Variants in SH3RF1 observed in about 807,000 individuals in gnomAD.
SH3RF1 encodes SH3 domain containing ring finger 1.
In SH3RF1, 32 loss-of-function variants were observed where a neutral mutation model predicts 74.0. The ratio of observed to expected loss-of-function variants is 0.43; its 90% CI spans 0.33 to 0.58. The LOEUF (loss-of-function observed/expected upper bound fraction) is 0.58. Ranked by LOEUF, SH3RF1 falls within the 20% of genes least tolerant of loss-of-function variation. The pLI, the probability that SH3RF1 is intolerant of heterozygous loss-of-function variation, is 0.05. For synonymous variants in SH3RF1, 396 were observed against 439.6 expected (o/e 0.90, Z 1.24); for missense variants, 954 against 1,130.9 (o/e 0.84, Z 2.24).
At chr4:169,180,158 C>T (rs528285149) in intron 2 of SH3RF1, among the ~76,000 whole-genome samples, 5 of 152,204 alleles carry the variant, frequency 3.3e-5, no homozygotes, top group African/African-American at 7.2e-5. Flanking sequence ...TGCAGCAAAA[C>T]GCAACCCAGG....
At chr4:169,226,589 C>G (rs896550934) in intron 2 of SH3RF1, among the ~76,000 whole-genome samples, 1 of 152,072 alleles carries the variant, frequency 6.6e-6, no homozygotes. Flanking sequence ...TCCTTACCCC[C>G]CTAGAAAGGG....
At chr4:169,229,435 GAACACCTGGA>G (rs1161441318) in intron 2 of SH3RF1, among the ~76,000 whole-genome samples, 1 of 148,778 alleles carries the variant, frequency 6.7e-6, no homozygotes, top group Non-Finnish European at 1.5e-5. Flanking sequence ...GTGTTCCTTA[GAACACCTGGA>G]AACATAAATT....
intron 11 of SH3RF1, 43 bp from the exon 12 acceptor site, chr4:169,096,730 G>A (rs1732938530): frequency 6.4e-7 from 1 of 1,567,008 alleles, no homozygotes; most frequent in East Asian, 2.2e-5. Context: ...TCAAAGCAGT[G>A]ATTTTAAAAA....
chr4:169,241,750 T>C (rs17054849), intron 2 of SH3RF1, among the ~76,000 whole-genome samples: 1,552 of 152,346 alleles, frequency 0.01, 27 homozygotes, highest in African/African-American at 0.036. Flanking sequence ...AACTTGACCT[T>C]GCAGCATGGT....
intron 2 of SH3RF1, among the ~76,000 whole-genome samples, chr4:169,200,373 T>C (rs1204897448): frequency 6.6e-6 from 1 of 152,146 alleles, no homozygotes; most frequent in Non-Finnish European, 1.5e-5. Context: ...ACCATGCCCG[T>C]TAATCACAAT....
chr4:169,207,125 CT>C (rs900098459), intron 2 of SH3RF1, among the ~76,000 whole-genome samples: 4 of 152,012 alleles, frequency 2.6e-5, no homozygotes, highest in African/African-American at 9.7e-5. Flanking sequence ...GCCTGGCTAA[CT>C]TTTTTCTCTA....
chr4:169,236,933 A>G (rs933000825), intron 2 of SH3RF1, among the ~76,000 whole-genome samples: 2 of 152,220 alleles, frequency 1.3e-5, no homozygotes, highest in African/African-American at 4.8e-5. Context: ...AAAACTACAA[A>G]GTAGAAGAGA....
intron 2 of SH3RF1, among the ~76,000 whole-genome samples, chr4:169,209,217 A>G (rs1013269272): frequency 3.3e-5 from 5 of 151,552 alleles, no homozygotes; most frequent in Non-Finnish European, 5.9e-5. Context: ...TGAACCCAGG[A>G]GGCGGAGGTT....
Position 169,194,833 on chromosome 4 carries a change from C to T in SH3RF1, c.394-38154G>A, listed in dbSNP as rs1454428029. Among the ~76,000 whole-genome samples, 8 of 152,312 alleles carry T rather than the reference C, an allele frequency of 5.3e-5. No individual in the cohort carries two copies. In the East Asian group the frequency reaches 1.5e-3, roughly 29 times the overall value. On this transcript the variant is annotated intron_variant, in intron 2 of 11. Transcript: ENST00000284637. ...CCAGCTGCATGATCCTGCTGCCTCA[C>T]ATCTCTGCCACACTTTGTGGGTATA...
In SH3RF1 at chr4:169,136,312, A is replaced by G. The variant is rs762196870; in HGVS notation, c.1068+6T>C. 7.1e-7 allele frequency: 1 copy of G among 1,416,366 alleles called. No homozygotes were observed. Among genetic ancestry groups the G allele is most frequent in the South Asian group, 1.8e-5 (1 of 55,628 alleles). The allele number at this position is 1,416,366 out of a possible 1,614,324, so 87.7% of individuals were successfully genotyped here. A position where few individuals can be genotyped will look rare whatever the true frequency, so the allele number is the denominator to read the frequency against. On this transcript the variant is annotated splice_donor_region_variant and intron_variant, in intron 5 of 11. Transcript: ENST00000284637. ...CTTTTTATATAACACTTGTTTGAGG[A>G]TTTACCTGAGAAGGGGCACTGCAGG...
intron 5 of SH3RF1, 122 bp from the exon 6 acceptor site, chr4:169,130,278 G>A (rs766681230): frequency 2.1e-4 from 154 of 740,054 alleles, no homozygotes; most frequent in Non-Finnish European, 2.2e-4. Context: ...GTTATTTGGG[G>A]AAGGTAGAAT....
chr4:169,102,421 G>T (rs370964502), intron 11 of SH3RF1, among the ~76,000 whole-genome samples: 1 of 151,738 alleles, frequency 6.6e-6, no homozygotes, highest in African/African-American at 2.4e-5. Context: ...CAATTTAGGA[G>T]ATGAGCTTAT....
chr4:169,183,393 G>A (rs1181955323), intron 2 of SH3RF1, among the ~76,000 whole-genome samples: 1 of 152,114 alleles, frequency 6.6e-6, no homozygotes, highest in Non-Finnish European at 1.5e-5. Flanking sequence ...TGATTCTCCT[G>A]GCTCAGCCTC....
chr4:169,237,705 A>G (rs1274147258), intron 2 of SH3RF1, among the ~76,000 whole-genome samples: 1 of 152,220 alleles, frequency 6.6e-6, no homozygotes, highest in African/African-American at 2.4e-5. Context: ...CAGAAGAATC[A>G]GCAAAAAGAC....
chr4:169,143,725 G>T (rs1056723414), intron 4 of SH3RF1, among the ~76,000 whole-genome samples: 1 of 152,092 alleles, frequency 6.6e-6, no homozygotes, highest in African/African-American at 2.4e-5. Context: ...AAGGGAAAAG[G>T]ATTTTCAAAG....
intron 2 of SH3RF1, among the ~76,000 whole-genome samples, chr4:169,206,337 C>T (rs80351503): frequency 0.018 from 2,687 of 152,242 alleles, 73 homozygotes; most frequent in African/African-American, 0.062. Context: ...GACCCACGCC[C>T]ACCTAGGAGT....
chr4:169,184,506 G>T (rs1289234841), intron 2 of SH3RF1, among the ~76,000 whole-genome samples: 1 of 152,284 alleles, frequency 6.6e-6, no homozygotes, highest in South Asian at 2.1e-4. Context: ...CTCACAGGAG[G>T]ATAGCTATTC....
intron 2 of SH3RF1, among the ~76,000 whole-genome samples, chr4:169,259,059 T>A (rs1000826448): frequency 2.6e-5 from 4 of 152,186 alleles, no homozygotes; most frequent in Non-Finnish European, 5.9e-5. Context: ...TAGCTAACTT[T>A]AGCTTTCTTT....
chr4:169,098,097 T>A (rs1343035212), intron 11 of SH3RF1, among the ~76,000 whole-genome samples: 1 of 152,232 alleles, frequency 6.6e-6, no homozygotes, highest in Admixed American at 6.5e-5. Flanking sequence ...AGATGAGCTG[T>A]TCCATAATTA....
Sources: allele counts gnomAD v4.1 joint callset (sites outside exome capture counted in the v4.1 genomes callset), GRCh38; gene constraint gnomAD v4.1.1; transcripts MANE v1.5; gene names NCBI Gene and HGNC (gene_info 2026-07-23, HGNC 2026-07-21).